Variants in ZNF606 observed in about 807,000 individuals in gnomAD.
ZNF606 encodes zinc finger protein 328.
ZNF606 carries 37 observed loss-of-function variants against 74.9 expected under a neutral mutation model. The observed-to-expected ratio is 0.49, with a 90% confidence interval of 0.38 to 0.65. The LOEUF is 0.65. Among genes scored for constraint, ZNF606 ranks in the 30% least tolerant of loss-of-function variants. The pLI, the probability that ZNF606 is intolerant of heterozygous loss-of-function variation, is 0.00. For missense variants in ZNF606, 852 were observed against 952.9 expected (o/e 0.89, Z 1.39); for synonymous variants, 328 against 312.4 (o/e 1.05, Z -0.53).
chr19:57,985,890 C>T (rs918756295), intron 6 of ZNF606, among the ~76,000 whole-genome samples: 2 of 151,572 alleles, frequency 1.3e-5, no homozygotes, highest in African/African-American at 2.4e-5. Flanking sequence ...GCCAAGATCG[C>T]GCCACTGCAC....
chr19:57,986,564 G>C (rs1372006293), intron 6 of ZNF606, among the ~76,000 whole-genome samples: 1 of 151,992 alleles, frequency 6.6e-6, no homozygotes, highest in Non-Finnish European at 1.5e-5. Context: ...AGTATAAAAA[G>C]ACAATATAAG....
intron 6 of ZNF606, among the ~76,000 whole-genome samples, chr19:57,981,800 A>C (rs2123272313): frequency 1.3e-5 from 2 of 152,364 alleles, no homozygotes; most frequent in Middle Eastern, 6.8e-3. Context: ...TTTTTAGAGC[A>C]ATGATAGATG....
Position 57,984,613 on chromosome 19 carries a change from C to A in ZNF606, c.400+3594G>T, listed in dbSNP as rs140413909. On this transcript the variant is annotated intron_variant, in intron 6 of 6. Coordinates refer to ENST00000551380, the MANE Select transcript of ZNF606 (RefSeq NM_001348022.3). The stretch of plus-strand genomic sequence containing the variant: ...AAAACATGAAAAATAACTACAAATT[C>A]CTACATGCTTGTAGCTGCATAAAGA... 2.1e-3 allele frequency among the ~76,000 whole-genome samples: 323 copies of A among 152,292 alleles called. 2 individuals carry two copies. The highest frequency in any genetic ancestry group is 7.0e-3 in the African/African-American group (291 of 41,564).
In ZNF606 at chr19:57,997,887, C is replaced by T. The variant is rs375020398; in HGVS notation, c.177+1921G>A. On this transcript the variant is annotated intron_variant, in intron 4 of 6. Transcript: ENST00000551380. ...TAGTTGCCCAAGTTCTGATGCCAGG[C>T]AACAATCACCTTGCATCATATGGTT... 43 of 152,308 alleles carry T rather than the reference C, an allele frequency of 2.8e-4. 2 individuals carry two copies. The highest frequency in any genetic ancestry group is 1.0e-3 in the African/African-American group (42 of 41,554). The allele number at this position is 152,308 out of a possible 1,614,324, so 9.4% of individuals were successfully genotyped here.
intron 6 of ZNF606, among the ~76,000 whole-genome samples, chr19:57,981,346 A>G (rs1158642546): frequency 6.6e-6 from 1 of 152,216 alleles, no homozygotes; most frequent in Non-Finnish European, 1.5e-5. Context: ...AATCCTGAGT[A>G]TAATGACTTT....
intron 4 of ZNF606, among the ~76,000 whole-genome samples, chr19:57,995,447 C>T (rs1019000531): frequency 1.3e-5 from 2 of 152,056 alleles, no homozygotes; most frequent in African/African-American, 4.8e-5. Flanking sequence ...CCTGACTTCT[C>T]TGTATCTATC....
In ZNF606 at chr19:57,999,856, G is replaced by A. The variant is rs200697860; in HGVS notation, c.129C>T (p.Ser43=). ...CAGTGGCCCTCCTCCCCTCCTCCAG[G>A]CTTCCCTCCACGTGCCAGGCAGGAT... The part of the protein sequence containing the change: ...PQYPAWHVEG[S]LEEGRRATGL... Residue 43 remains serine, a synonymous_variant, in exon 4 of 7, where the codon AGC becomes AGT. Coordinates refer to ENST00000551380, the MANE Select transcript of ZNF606 (RefSeq NM_001348022.3). The A allele has an allele frequency of 6.2e-7, 1 of 1,613,914 alleles. No homozygotes were observed. Among genetic ancestry groups the A allele is most frequent in the African/African-American group, 1.3e-5 (1 of 74,998 alleles).
chr19:58,000,662 C>G, intron 3 of ZNF606, 21 bp downstream of exon 3: 1 of 1,613,878 alleles, frequency 6.2e-7, no homozygotes, highest in South Asian at 1.1e-5. Context: ...CAGCCCACAG[C>G]TGACCAGGCT....
In ZNF606 at chr19:57,994,050, A is replaced by G. The variant is rs568113757; in HGVS notation, c.178-5329T>C. Among the ~76,000 whole-genome samples, 4 of 152,366 alleles carry G rather than the reference A, an allele frequency of 2.6e-5. No individual in the cohort carries two copies. In the East Asian group the frequency reaches 7.7e-4, roughly 29 times the overall value. ...AGCCACAAGGCCAGAGAATCCAGAC[A>G]ACAGCCACATTCAACTTTCAAAGAC... On this transcript the variant is annotated intron_variant, in intron 4 of 6. Coordinates refer to ENST00000551380, the MANE Select transcript of ZNF606 (RefSeq NM_001348022.3).
upstream of ZNF606, chr19:58,002,988 G>T (rs1294745807): frequency 4.4e-6 from 2 of 455,566 alleles, no homozygotes; most frequent in Non-Finnish European, 8.8e-6. Flanking sequence ...GATGGACTTT[G>T]TTGTCCCGGT....
chr19:57,997,043 G>A (rs767106061), intron 4 of ZNF606, among the ~76,000 whole-genome samples: 3 of 152,162 alleles, frequency 2.0e-5, no homozygotes, highest in Non-Finnish European at 4.4e-5. Context: ...AGGAACCTGG[G>A]GCAATTCAGA....
At chr19:57,995,815 T>A (rs2073331721) in intron 4 of ZNF606, among the ~76,000 whole-genome samples, 1 of 151,638 alleles carries the variant, frequency 6.6e-6, no homozygotes, top group East Asian at 1.9e-4. Flanking sequence ...TGTGACTGTC[T>A]CAAAAAAAAG....
intron 2 of ZNF606, 48 bp from the exon 3 acceptor site, chr19:58,000,787 C>T (rs1414028863): frequency 5.3e-6 from 8 of 1,499,514 alleles, no homozygotes; most frequent in South Asian, 1.4e-5. Flanking sequence ...CCTAGTGATT[C>T]AAGGCGACAA....
intron 6 of ZNF606, among the ~76,000 whole-genome samples, chr19:57,982,046 G>A (rs191063920): frequency 3.9e-5 from 6 of 152,274 alleles, no homozygotes; most frequent in Non-Finnish European, 5.9e-5. Context: ...TTCTGCTATT[G>A]TAACAAATTA....
intron 6 of ZNF606, among the ~76,000 whole-genome samples, chr19:57,984,492 G>C (rs961965615): frequency 7.9e-5 from 12 of 152,208 alleles, no homozygotes; most frequent in African/African-American, 2.7e-4. Context: ...CATTAGAGTG[G>C]GTGGAAGATA....
chr19:57,984,539 T>A (rs1332793493), intron 6 of ZNF606, among the ~76,000 whole-genome samples: 1 of 152,200 alleles, frequency 6.6e-6, no homozygotes, highest in African/African-American at 2.4e-5. Flanking sequence ...CTGTGGCACA[T>A]TGCCAAAAAT....
At chr19:57,988,096 G>C (rs149980951) in intron 6 of ZNF606, 111 bp downstream of exon 6, 17 of 780,404 alleles carry the variant, frequency 2.2e-5, no homozygotes, top group Middle Eastern at 4.0e-4. Context: ...AAGCTCCTTA[G>C]AGGGAATTCT....
intron 3 of ZNF606, 34 bp from the exon 4 acceptor site, chr19:57,999,930 C>T: frequency 1.3e-6 from 2 of 1,597,958 alleles, no homozygotes; most frequent in Middle Eastern, 1.7e-4. Flanking sequence ...GGAGGCAGCT[C>T]TCGCTGCCAG....
At chr19:57,984,835 C>T (rs1449034465) in intron 6 of ZNF606, among the ~76,000 whole-genome samples, 1 of 152,202 alleles carries the variant, frequency 6.6e-6, no homozygotes, top group Non-Finnish European at 1.5e-5. Context: ...TGGCTCATGC[C>T]TGTAATCCCA....
Sources: allele counts gnomAD v4.1 joint callset (sites outside exome capture counted in the v4.1 genomes callset), GRCh38; gene constraint gnomAD v4.1.1; transcripts MANE v1.5; gene names NCBI Gene and HGNC (gene_info 2026-07-23, HGNC 2026-07-21).